Variants in TMEM65 observed in about 807,000 individuals in gnomAD.
The protein encoded by TMEM65 is transmembrane protein 65.
TMEM65 carries 22 observed loss-of-function variants against 25.4 expected under a neutral mutation model. The ratio of observed to expected loss-of-function variants is 0.86; its 90% CI spans 0.62 to 1.23. TMEM65 has a LOEUF of 1.23. Among genes scored for constraint, TMEM65 ranks in the 50% most tolerant of loss-of-function variants. TMEM65 has a pLI of 0.00. For missense variants in TMEM65, 262 were observed against 308.2 expected (o/e 0.85, Z 1.12); for synonymous variants, 132 against 126.2 (o/e 1.05, Z -0.31).
chr8:124,327,960 G>A (rs1274764171), intron 2 of TMEM65, among the ~76,000 whole-genome samples: 1 of 151,932 alleles, frequency 6.6e-6, no homozygotes, highest in Admixed American at 6.6e-5. Context: ...CCTCATCTAT[G>A]TGCAGTCTTT....
At chr8:124,317,762 T>C (rs1814256062) in intron 6 of TMEM65, among the ~76,000 whole-genome samples, 1 of 152,170 alleles carries the variant, frequency 6.6e-6, no homozygotes, top group Non-Finnish European at 1.5e-5. Flanking sequence ...TTACATTACA[T>C]AAGGCTCCAT....
chr8:124,316,110 G>A (rs1814234877), intron 6 of TMEM65, among the ~76,000 whole-genome samples: 1 of 152,102 alleles, frequency 6.6e-6, no homozygotes, highest in Non-Finnish European at 1.5e-5. Context: ...GAGATATAAT[G>A]TCAATAGGGT....
At chr8:124,345,421 T>C (rs1322242797) in intron 1 of TMEM65, among the ~76,000 whole-genome samples, 3 of 152,220 alleles carry the variant, frequency 2.0e-5, no homozygotes, top group Non-Finnish European at 2.9e-5. Flanking sequence ...AAAGATTATC[T>C]TTTAACACTA....
chr8:124,317,890 C>T (rs1349782287), intron 6 of TMEM65, among the ~76,000 whole-genome samples: 1 of 152,106 alleles, frequency 6.6e-6, no homozygotes, highest in Non-Finnish European at 1.5e-5. Flanking sequence ...TGCAGGTGAC[C>T]CGTAGATCGG....
At chr8:124,322,072 A>G in intron 5 of TMEM65, 33 bp downstream of exon 5, 1 of 1,542,990 alleles carries the variant, frequency 6.5e-7, no homozygotes, top group Non-Finnish European at 8.9e-7. Context: ...CAGCAAGTAC[A>G]GAATATACAA....
chr8:124,330,758 C>G lies in TMEM65; in HGVS notation c.339G>C (p.Gln113His). Residue 113 changes from glutamine to histidine, a missense_variant, in exon 2 of 7, where the codon CAG (glutamine) becomes CAC (histidine). Coordinates refer to ENST00000297632, the MANE Select transcript of TMEM65 (RefSeq NM_194291.3). Reference sequence around the variant, plus strand: ...TTATAGAACCATTACCATATCTCAGCTGTCCTGGGGTGGGTGGTGGAGCTT... The same window carrying G: ...TTATAGAACCATTACCATATCTCAGGTGTCCTGGGGTGGGTGGTGGAGCTT... The part of the protein sequence containing the change: ...KLEAPPPTPG[Q>H]LRYVFIHNAI... 6.3e-7 allele frequency: 1 copy of G among 1,589,116 alleles called. No homozygotes were observed. The highest frequency in any genetic ancestry group is 8.5e-7 in the Non-Finnish European group (1 of 1,170,856).
chr8:124,370,083 G>A lies in TMEM65; in HGVS notation c.304+1771C>T, dbSNP rs149925682. 3.3e-3 allele frequency among the ~76,000 whole-genome samples: 505 copies of A among 152,176 alleles called. 4 individuals carry two copies. Among genetic ancestry groups the A allele is most frequent in the Middle Eastern group, 6.8e-3 (2 of 294 alleles). On this transcript the variant is annotated intron_variant, in intron 1 of 6. Coordinates refer to ENST00000297632, the MANE Select transcript of TMEM65 (RefSeq NM_194291.3). The stretch of plus-strand genomic sequence containing the variant: ...ATGCTAATGATCTCCATTGACTAAA[G>A]TGCTTAGGTCCTTTTCAGAATATTT...
chr8:124,365,670 C>T (rs1479398713), intron 1 of TMEM65, among the ~76,000 whole-genome samples: 2 of 152,110 alleles, frequency 1.3e-5, no homozygotes, highest in Non-Finnish European at 2.9e-5. Context: ...TAAATATAAT[C>T]ATGAGGGTTC....
At chr8:124,333,470 C>CGTGT (rs10660640) in intron 1 of TMEM65, among the ~76,000 whole-genome samples, 55,453 of 149,060 alleles carry the variant, frequency 0.37, 10,202 homozygotes, top group East Asian at 0.45. Flanking sequence ...TGTGTGTGTG[C>CGTGT]GTGTGTGTGT....
intron 1 of TMEM65, among the ~76,000 whole-genome samples, chr8:124,346,813 C>A (rs1421106737): frequency 6.6e-6 from 1 of 152,104 alleles, no homozygotes; most frequent in Non-Finnish European, 1.5e-5. Flanking sequence ...AGATATTAAA[C>A]TAGTGAGTTT....
In TMEM65 at chr8:124,310,971, G is replaced by A. The variant is rs1281329724; in HGVS notation, c.*2989C>T. The A allele has an allele frequency of 1.3e-5, 2 of 152,088 alleles. No homozygotes were observed. Among genetic ancestry groups the A allele is most frequent in the East Asian group, 1.9e-4 (1 of 5,202 alleles). 9.4% of individuals were successfully genotyped at this position (152,088 alleles called of 1,614,324 possible). A position where few individuals can be genotyped will look rare whatever the true frequency, so the allele number is the denominator to read the frequency against. ...ATTTAATATACTGTCTTAAGATGGC[G>A]AGAAAATATAATTCTAAAATTAGAA... On this transcript the variant is annotated 3_prime_UTR_variant, in exon 7 of 7. Transcript: ENST00000297632.
intron 6 of TMEM65, among the ~76,000 whole-genome samples, chr8:124,315,905 A>G (rs1279272932): frequency 6.6e-6 from 1 of 152,188 alleles, no homozygotes; most frequent in Non-Finnish European, 1.5e-5. Context: ...ATATTTACTC[A>G]TTTGAATATA....
At chr8:124,355,638 C>T (rs1586471408) in intron 1 of TMEM65, among the ~76,000 whole-genome samples, 1 of 152,182 alleles carries the variant, frequency 6.6e-6, no homozygotes, top group East Asian at 1.9e-4. Flanking sequence ...TGTGATATAA[C>T]ATAGGGGCTT....
At chr8:124,356,010 C>T (rs150434459) in intron 1 of TMEM65, among the ~76,000 whole-genome samples, 15 of 152,214 alleles carry the variant, frequency 9.9e-5, no homozygotes, top group African/African-American at 3.4e-4. Flanking sequence ...AGAAAGTGCC[C>T]ATTGTAGTAG....
intron 1 of TMEM65, among the ~76,000 whole-genome samples, chr8:124,341,976 C>T (rs1260279437): frequency 6.6e-6 from 1 of 151,762 alleles, no homozygotes; most frequent in Non-Finnish European, 1.5e-5. Flanking sequence ...AGAAGTATTG[C>T]CAAATAAGTA....
chr8:124,307,354 G>T lies in TMEM65; in HGVS notation c.*6606C>A, dbSNP rs1814103111. 1 of 152,146 alleles carries T rather than the reference G, an allele frequency of 6.6e-6. No individual in the cohort carries two copies. Among genetic ancestry groups the T allele is most frequent in the Non-Finnish European group, 1.5e-5 (1 of 68,036 alleles). The allele number at this position is 152,146 out of a possible 1,614,324, so 9.4% of individuals were successfully genotyped here. A position where few individuals can be genotyped will look rare whatever the true frequency, so the allele number is the denominator to read the frequency against. On this transcript the variant is annotated 3_prime_UTR_variant, in exon 7 of 7. Coordinates refer to ENST00000297632, the MANE Select transcript of TMEM65 (RefSeq NM_194291.3). ...AAGTGCTCCCAAGGAGCAAAGTCAT[G>T]ACATTACAAGAAAAAGTTAAATTGC...
At chr8:124,350,034 A>T (rs1447446619) in intron 1 of TMEM65, among the ~76,000 whole-genome samples, 1 of 152,144 alleles carries the variant, frequency 6.6e-6, no homozygotes, top group East Asian at 1.9e-4. Context: ...TTCTACATGC[A>T]AACTAAGATT....
At chr8:124,322,221 T>C in intron 4 of TMEM65, 74 bp from the exon 5 acceptor site, 1 of 1,160,854 alleles carries the variant, frequency 8.6e-7, no homozygotes, top group Non-Finnish European at 1.2e-6. Flanking sequence ...AATAAAGCAC[T>C]GATCTTGGAA....
At chr8:124,322,240 A>C in intron 4 of TMEM65, 93 bp from the exon 5 acceptor site, 1 of 939,252 alleles carries the variant, frequency 1.1e-6, no homozygotes, top group Non-Finnish European at 1.6e-6. Flanking sequence ...AAGAGTTCTC[A>C]TATTTCTCAA....
Sources: gnomAD v4.1 joint callset for allele counts (sites outside exome capture counted in the v4.1 genomes callset) on GRCh38, gnomAD v4.1.1 for gene constraint, MANE v1.5 for transcripts, NCBI Gene and HGNC (gene_info 2026-07-23, HGNC 2026-07-21) for gene names.